CCN5: variants seen among roughly 807,000 people sequenced by gnomAD.
The protein encoded by CCN5 is CCN family member 5.
CCN5 carries 17 observed loss-of-function variants against 18.7 expected under a neutral mutation model. That is an observed-to-expected ratio of 0.91 (90% CI 0.62 to 1.36). The LOEUF (loss-of-function observed/expected upper bound fraction) is 1.36, where lower values mean the gene tolerates loss of function less well. CCN5 is among the 40% of genes most tolerant of loss of function. The probability of loss-of-function intolerance (pLI) is 0.00; values close to 1 mark genes in which losing one functional copy is unlikely to be tolerated. For missense variants in CCN5, 367 were observed against 342.9 expected, an observed-to-expected ratio of 1.07 and a Z score of -0.56; for synonymous variants, 135 against 145.2, an observed-to-expected ratio of 0.93 and a Z score of 0.50.
chr20:44,727,195 C>G lies in CCN5; in HGVS notation c.641C>G (p.Thr214Ser), dbSNP rs1397192924. 3 of 1,613,878 alleles carry G rather than the reference C, an allele frequency of 1.9e-6. No individual in the cohort carries two copies. The highest frequency in any genetic ancestry group is 1.7e-6 in the Non-Finnish European group (2 of 1,180,038). ...CSTTCGLGMA[T>S]RVSNQNRFCR... is the part of the protein sequence containing the mutation. The stretch of plus-strand genomic sequence containing the variant: ...ACCACCTGTGGGCTGGGCATGGCCA[C>G]CCGGGTGTCCAACCAGAACCGCTTC... The change falls in exon 4 of 4, where the codon ACC becomes AGC. Residue 214 changes from threonine (T) to serine (S), a missense_variant. Thr to Ser is a moderately conservative substitution (Grantham distance 58). Transcript: ENST00000190983.
intron 1 of CCN5, among the ~76,000 whole-genome samples, chr20:44,716,992 A>C (rs1044755110): frequency 6.6e-6 from 1 of 152,196 alleles, no homozygotes; most frequent in Non-Finnish European, 1.5e-5. Context: ...ACTCTTGCCC[A>C]AAAAACTCCA....
rs1380554981 is a variant in CCN5 at position 44,727,447 on chromosome 20, C to T, written c.*140C>T. The T allele has an allele frequency of 2.1e-6, 3 of 1,441,170 alleles. No individual in the cohort carries two copies. In the Admixed American group the frequency reaches 8.8e-5, roughly 42 times the overall value. The allele number at this position is 1,441,170 out of a possible 1,614,324, so 89.3% of individuals were successfully genotyped here. ...TTTAGCTTGGGTCCACCATGCAGAACACCAATATTAACACGCTGCCTGGTC... is the reference window on the plus strand; with the variant it reads ...TTTAGCTTGGGTCCACCATGCAGAATACCAATATTAACACGCTGCCTGGTC... On this transcript the variant is annotated 3_prime_UTR_variant, in exon 4 of 4. Coordinates refer to ENST00000190983, the MANE Select transcript of CCN5 (RefSeq NM_003881.4).
At chr20:44,723,000 C>G (rs957080412) in intron 2 of CCN5, among the ~76,000 whole-genome samples, 1 of 152,136 alleles carries the variant, frequency 6.6e-6, no homozygotes, top group Non-Finnish European at 1.5e-5. Context: ...CACCTCCCTC[C>G]TCTGCCCCAA....
rs1044144376 is a variant in CCN5 at position 44,727,243 on chromosome 20, G to C, written c.689G>C (p.Arg230Pro). The change falls in exon 4 of 4, where the codon CGC (arginine) becomes CCC (proline). Residue 230 changes from arginine to proline, a missense_variant. Physicochemically the swap from Arg to Pro is moderately radical, Grantham distance 103. Coordinates refer to ENST00000190983, the MANE Select transcript of CCN5 (RefSeq NM_003881.4). ...NRFCRLETQR[R>P]LCLSRPCPPS... is the part of the protein sequence containing the mutation. ...TTCTGCCGACTGGAGACCCAGCGCC[G>C]CCTGTGCCTGTCCAGGCCCTGCCCA... is the stretch of plus-strand genomic sequence containing the variant. 1.2e-5 allele frequency: 19 copies of C among 1,613,476 alleles called. No individual in the cohort carries two copies. Among genetic ancestry groups the C allele is most frequent in the Non-Finnish European group, 1.5e-5 (18 of 1,180,016 alleles).
In CCN5 at chr20:44,715,386, G is replaced by A. The variant is rs1269539352; in HGVS notation, c.-5G>A. On this transcript the variant is annotated 5_prime_UTR_variant, in exon 1 of 4. Transcript: ENST00000190983. ...CCCAGGCTCAAAGCTGGCTCTGCAG[G>A]GGACATGAGAGGCACACCGAAGACC... is the stretch of plus-strand genomic sequence containing the variant. 1.9e-6 allele frequency: 3 copies of A among 1,600,274 alleles called. No individual in the cohort carries two copies. The highest frequency in any genetic ancestry group is 2.3e-5 in the East Asian group (1 of 44,398).
At chr20:44,717,807 A>G (rs549679469) in intron 1 of CCN5, among the ~76,000 whole-genome samples, 2 of 150,972 alleles carry the variant, frequency 1.3e-5, no homozygotes, top group Admixed American at 1.3e-4. Flanking sequence ...TGAACCTGGG[A>G]GGCGAAGGTT....
upstream of CCN5, chr20:44,715,252 TGTGTGTGTGAGCGCGC>T (rs1229516774): frequency 3.9e-5 from 20 of 518,464 alleles, no homozygotes; most frequent in African/African-American, 9.4e-5. Flanking sequence ...TGTGTGTGTG[TGTGTGTGTGAGCGCGC>T]GCGCGCGCGC....
At chr20:44,724,604 T>TCCTGGGCTGGAGC in intron 2 of CCN5, 134 bp from the exon 3 acceptor site, 2 of 1,400,384 alleles carry the variant, frequency 1.4e-6, no homozygotes, top group Middle Eastern at 2.5e-4. Flanking sequence ...GAGGTGCATA[T>TCCTGGGCTGGAGC]CCTGGGCTGG....
chr20:44,727,024 G>A (rs2065940172), intron 3 of CCN5, 63 bp from the exon 4 acceptor site: 3 of 1,463,856 alleles, frequency 2.0e-6, no homozygotes, highest in African/African-American at 1.4e-5. Context: ...CCGCTGGCAG[G>A]TGGGTTGATT....
In CCN5 at chr20:44,727,114, C is replaced by G. The variant is rs1396286169; in HGVS notation, c.560C>G (p.Ser187Cys). ...QGPQFSGLVS[S>C]LPPGVPCPEW... Reference sequence around the variant, plus strand: ...CCCCAGTTTTCTGGCCTTGTCTCTTCCCTGCCCCCTGGTGTCCCCTGCCCA... The same window carrying G: ...CCCCAGTTTTCTGGCCTTGTCTCTTGCCTGCCCCCTGGTGTCCCCTGCCCA... The change falls in exon 4 of 4, where the codon TCC (serine) becomes TGC (cysteine). Residue 187 changes from serine (S) to cysteine (C), a missense_variant. By Grantham distance (112) the Ser-to-Cys change is moderately radical (BLOSUM62 -1). Coordinates refer to ENST00000190983, the MANE Select transcript of CCN5 (RefSeq NM_003881.4). 3 of 1,603,388 alleles carry G rather than the reference C, an allele frequency of 1.9e-6. No homozygotes were observed. The African/African-American group carries it at 4.0e-5, about 21-fold the overall frequency.
Position 44,727,130 on chromosome 20 carries a change from C to T in CCN5, c.576C>T (p.Val192=). The T allele has an allele frequency of 6.2e-7, 1 of 1,610,810 alleles. No individual in the cohort carries two copies. The highest frequency in any genetic ancestry group is 8.5e-7 in the Non-Finnish European group (1 of 1,178,206). The change falls in exon 4 of 4, where the codon GTC becomes GTT. Residue 192 remains valine, a synonymous_variant. Transcript: ENST00000190983. ...TTGTCTCTTCCCTGCCCCCTGGTGT[C>T]CCCTGCCCAGAATGGAGCACGGCCT... ...SGLVSSLPPG[V]PCPEWSTAWG... is the part of the protein sequence containing the mutation.
Position 44,724,780 on chromosome 20 carries a change from A to T in CCN5, c.320A>T (p.Tyr107Phe), listed in dbSNP as rs770160344. The part of the protein sequence containing the change: ...DSSCEVNGRL[Y>F]REGETFQPHC... ...AGCTGTGAGGTGAACGGCCGCCTGT[A>T]TCGGGAAGGGGAGACCTTCCAGCCC... is the stretch of plus-strand genomic sequence containing the variant. The change falls in exon 3 of 4, where the codon TAT (tyrosine) becomes TTT (phenylalanine). Residue 107 changes from tyrosine to phenylalanine, a missense_variant. By Grantham distance (22) the Tyr-to-Phe change is conservative. Transcript: ENST00000190983. 6.2e-7 allele frequency: 1 copy of T among 1,612,836 alleles called. No individual in the cohort carries two copies. The highest frequency in any genetic ancestry group is 8.5e-7 in the Non-Finnish European group (1 of 1,179,878).
chr20:44,718,654 C>A (rs943657994), intron 1 of CCN5, among the ~76,000 whole-genome samples: 12 of 152,140 alleles, frequency 7.9e-5, no homozygotes, highest in South Asian at 2.1e-4. Context: ...GGCTTACGGA[C>A]ACAGTCTACC....
chr20:44,715,737 A>C (rs557740785), intron 1 of CCN5, among the ~76,000 whole-genome samples: 1 of 152,218 alleles, frequency 6.6e-6, no homozygotes, highest in Non-Finnish European at 1.5e-5. Flanking sequence ...ACCATTCATG[A>C]TCATTCATCA....
At chr20:44,725,068 G>T in intron 3 of CCN5, 76 bp downstream of exon 3, 4 of 1,440,044 alleles carry the variant, frequency 2.8e-6, no homozygotes, top group Non-Finnish European at 2.7e-6. Context: ...TGGGGTGGGG[G>T]GCGGCTTCCT....
chr20:44,716,348 C>G (rs1263234250), intron 1 of CCN5, among the ~76,000 whole-genome samples: 1 of 152,238 alleles, frequency 6.6e-6, no homozygotes, highest in Non-Finnish European at 1.5e-5. Context: ...CCACCACAAG[C>G]CACGATCTCA....
chr20:44,721,511 CAAAAAAAAAAAAAAAA>C (rs59320118), intron 2 of CCN5: 2 of 53,634 alleles, frequency 3.7e-5, no homozygotes, highest in African/African-American at 1.5e-4. Flanking sequence ...ACCCTATCTC[CAAAAAAAAAAAAAAAA>C]AAAAAAAAAA....
rs780694441 is a variant in CCN5 at position 44,727,132 on chromosome 20, C to T, written c.578C>T (p.Pro193Leu). 7.4e-6 allele frequency: 12 copies of T among 1,611,086 alleles called. No individual in the cohort carries two copies. The African/African-American group carries it at 1.1e-4, about 14-fold the overall frequency. The change falls in exon 4 of 4, where the codon CCC (proline) becomes CTC (leucine). Residue 193 changes from proline to leucine, a missense_variant. By Grantham distance (98) the Pro-to-Leu change is moderately conservative (BLOSUM62 -3). Transcript: ENST00000190983. The part of the protein sequence containing the change: ...GLVSSLPPGV[P>L]CPEWSTAWGP... The stretch of plus-strand genomic sequence containing the variant: ...GTCTCTTCCCTGCCCCCTGGTGTCC[C>T]CTGCCCAGAATGGAGCACGGCCTGG...
At chr20:44,724,359 T>G in intron 2 of CCN5, 1 of 252,504 alleles carries the variant, frequency 4.0e-6, no homozygotes, top group Non-Finnish European at 7.6e-6. Flanking sequence ...GAAGGTCTCT[T>G]TTATGTTGTG....
Sources: allele counts gnomAD v4.1 joint callset (sites outside exome capture counted in the v4.1 genomes callset), GRCh38; gene constraint gnomAD v4.1.1; transcripts MANE v1.5; gene names NCBI Gene and HGNC (gene_info 2026-07-23, HGNC 2026-07-21).